The following NMT1 variants were observed in gnomAD, a reference collection of about 807,000 sequenced individuals.
NMT1 encodes the protein N-myristoyltransferase 1.
Under a neutral mutation model 63.4 loss-of-function variants are expected in NMT1, and 12 were observed. The observed-to-expected ratio is 0.19, with a 90% CI of 0.12 to 0.31. The LOEUF is 0.31. NMT1 is among the 10% of genes least tolerant of loss of function. NMT1 has a pLI of 1.00. For missense variants in NMT1, 432 were observed against 634.6 expected (o/e 0.68, Z 3.43); for synonymous variants, 228 against 234.3 (o/e 0.97, Z 0.25).
chr17:45,075,668 G>T (rs2053972925), intron 1 of NMT1, among the ~76,000 whole-genome samples: 1 of 152,008 alleles, frequency 6.6e-6, no homozygotes. Context: ...CTACTCAGGA[G>T]GCTGAGGCAG....
Position 45,087,899 on chromosome 17 carries a change from C to A in NMT1, c.385+1247C>A, listed in dbSNP as rs544865112. On this transcript the variant is annotated intron_variant, in intron 3 of 11. Coordinates refer to ENST00000258960, the MANE Select transcript of NMT1 (RefSeq NM_021079.5). The stretch of plus-strand genomic sequence containing the variant: ...GGTTGGGAGCAGCTAATCCATGAGG[C>A]CTGCAGACCTGCAGGATGGGCATTG... 2.0e-5 allele frequency among the ~76,000 whole-genome samples: 3 copies of A among 152,134 alleles called. No individual in the cohort carries two copies. In the South Asian group the frequency reaches 6.2e-4, roughly 32 times the overall value.
intron 1 of NMT1, among the ~76,000 whole-genome samples, chr17:45,081,202 A>G (rs929098571): frequency 6.6e-6 from 1 of 152,142 alleles, no homozygotes; most frequent in Non-Finnish European, 1.5e-5. Context: ...CATGAAACCT[A>G]ATACATTTGG....
intron 3 of NMT1, 37 bp from the exon 4 acceptor site, chr17:45,093,648 G>C (rs749345028): frequency 3.2e-6 from 5 of 1,586,808 alleles, no homozygotes; most frequent in South Asian, 1.1e-5. Context: ...CCCCGAGGGG[G>C]CAAAGGGTGA....
rs572477031 is a variant in NMT1 at position 45,074,743 on chromosome 17, C to A, written c.132-6901C>A. On this transcript the variant is annotated intron_variant, in intron 1 of 11. Transcript: ENST00000258960. ...GAATTCTCTACTCTTTATTTTGGAA[C>A]CAAGTGAAACAAGTTGGACTTTGGT... Among the ~76,000 whole-genome samples, 11 of 152,280 alleles carry A rather than the reference C, an allele frequency of 7.2e-5. No individual in the cohort carries two copies. In the South Asian group the frequency reaches 2.3e-3, roughly 32 times the overall value.
intron 1 of NMT1, among the ~76,000 whole-genome samples, chr17:45,080,217 G>A (rs1419176778): frequency 4.0e-5 from 6 of 150,532 alleles, no homozygotes; most frequent in African/African-American, 9.8e-5. Flanking sequence ...CTGGAGTGCC[G>A]TGGCGCGATC....
intron 1 of NMT1, among the ~76,000 whole-genome samples, chr17:45,063,418 AGAGAT>A (rs1209977242): frequency 6.6e-6 from 1 of 152,136 alleles, no homozygotes; most frequent in Non-Finnish European, 1.5e-5. Flanking sequence ...TCTCCTGAGT[AGAGAT>A]CTGAATCACA....
intron 8 of NMT1, among the ~76,000 whole-genome samples, chr17:45,100,894 AAAG>A (rs1378388538): frequency 1.5e-4 from 18 of 118,178 alleles, no homozygotes; most frequent in Non-Finnish European, 2.6e-4. Context: ...AAAAAAAAAA[AAAG>A]AAGGCCAGGC....
rs1415905438 is a variant in NMT1 at position 45,107,801 on chromosome 17, G to T, written c.*2162G>T. Reference sequence around the variant, plus strand: ...CAGGTCATGGAATGGAAACGGTGAGGCCCCAGTGGCTGTTCTGGAAGAAAC... The same window carrying T: ...CAGGTCATGGAATGGAAACGGTGAGTCCCCAGTGGCTGTTCTGGAAGAAAC... On this transcript the variant is annotated 3_prime_UTR_variant, in exon 12 of 12. Transcript: ENST00000258960. 1 of 152,294 alleles carries T rather than the reference G, an allele frequency of 6.6e-6. No homozygotes were observed. Among genetic ancestry groups the T allele is most frequent in the Non-Finnish European group, 1.5e-5 (1 of 68,120 alleles). 9.4% of individuals were successfully genotyped at this position (152,294 alleles called of 1,614,324 possible).
intron 2 of NMT1, among the ~76,000 whole-genome samples, chr17:45,084,274 A>G (rs2054036584): frequency 1.3e-5 from 2 of 152,210 alleles, no homozygotes; most frequent in Admixed American, 6.5e-5. Flanking sequence ...TCATAATGGA[A>G]GAAATGACCA....
chr17:45,099,755 G>A (rs2054149192), intron 8 of NMT1: 2 of 523,398 alleles, frequency 3.8e-6, no homozygotes, highest in Non-Finnish European at 6.9e-6. Context: ...GCCATCTGTT[G>A]AAAGGCTCAG....
chr17:45,094,366 C>T (rs12937487), intron 4 of NMT1, among the ~76,000 whole-genome samples: 23,922 of 150,952 alleles, frequency 0.16, 2,574 homozygotes, highest in African/African-American at 0.29. Flanking sequence ...TGGTGGTGTA[C>T]GCCTGTATCC....
chr17:45,065,722 T>C (rs553822740), intron 1 of NMT1, among the ~76,000 whole-genome samples: 1 of 152,202 alleles, frequency 6.6e-6, no homozygotes, highest in South Asian at 2.1e-4. Flanking sequence ...TGTGTTTTGC[T>C]TCTTGAAATG....
rs754396552 is a variant in NMT1, at chr17:45,103,949, C to T, written c.1332+73C>T. The T allele has an allele frequency of 2.0e-5, 32 of 1,603,332 alleles. No individual in the cohort carries two copies. In the East Asian group the frequency reaches 2.9e-4, roughly 15 times the overall value. Reference sequence around the variant, plus strand: ...GTGGAGCCATGGTGAGCACAGCTCCCGGGACGCAGCCTCCCATGGGCTGGA... The same window carrying T: ...GTGGAGCCATGGTGAGCACAGCTCCTGGGACGCAGCCTCCCATGGGCTGGA... On this transcript the variant is annotated intron_variant, in intron 10 of 11. Coordinates refer to ENST00000258960, the MANE Select transcript of NMT1 (RefSeq NM_021079.5). This position sits in a 1 kb window ranked among gnomAD's most constrained non-coding sequence, Gnocchi z 4.8.
intron 1 of NMT1, among the ~76,000 whole-genome samples, chr17:45,076,800 T>C (rs1269791181): frequency 6.6e-6 from 1 of 151,962 alleles, no homozygotes; most frequent in Non-Finnish European, 1.5e-5. Flanking sequence ...TCTTCAGCCG[T>C]GTGCTTGATG....
At chr17:45,077,542 C>T (rs2053985901) in intron 1 of NMT1, among the ~76,000 whole-genome samples, 1 of 152,188 alleles carries the variant, frequency 6.6e-6, no homozygotes, top group Admixed American at 6.6e-5. Flanking sequence ...AGGCATGTGC[C>T]ACCACGCCCG....
At chr17:45,084,534 T>C (rs896462220) in intron 2 of NMT1, among the ~76,000 whole-genome samples, 1 of 151,870 alleles carries the variant, frequency 6.6e-6, no homozygotes, top group Admixed American at 6.6e-5. Flanking sequence ...GGGGTTTCAC[T>C]GTGTTAGCCA....
intron 1 of NMT1, among the ~76,000 whole-genome samples, chr17:45,078,800 C>CT (rs1218389683): frequency 6.6e-6 from 1 of 151,824 alleles, no homozygotes; most frequent in East Asian, 1.9e-4. Flanking sequence ...GTAGTTGGGA[C>CT]TACAAGTGTG....
intron 1 of NMT1, among the ~76,000 whole-genome samples, chr17:45,066,381 T>G (rs1295751775): frequency 6.6e-6 from 1 of 152,132 alleles, no homozygotes; most frequent in Non-Finnish European, 1.5e-5. Context: ...TATGTCTCTT[T>G]GTATATGAAT....
At position 45,061,404 on chromosome 17, in the gene NMT1, C is replaced by G; in HGVS notation, c.75C>G (p.Asn25Lys). The G allele has an allele frequency of 6.2e-7, 1 of 1,614,022 alleles. No homozygotes were observed. Among genetic ancestry groups the G allele is most frequent in the Non-Finnish European group, 8.5e-7 (1 of 1,179,968 alleles). Reference sequence around the variant, plus strand: ...CGCAGATGATGGAAGGGAACGGGAACGGCCATGAGCACTGCAGCGATTGCG... The same window carrying G: ...CGCAGATGATGGAAGGGAACGGGAAGGGCCATGAGCACTGCAGCGATTGCG... The part of the protein sequence containing the change: ...PLPQMMEGNG[N>K]GHEHCSDCEN... The change falls in exon 1 of 12, where the codon AAC becomes AAG. Residue 25 changes from asparagine to lysine, a missense_variant. Physicochemically the swap from Asn to Lys is moderately conservative, Grantham distance 94. Coordinates refer to ENST00000258960, the MANE Select transcript of NMT1 (RefSeq NM_021079.5).
Sources: gnomAD v4.1 joint callset for allele counts (sites outside exome capture counted in the v4.1 genomes callset) on GRCh38, gnomAD v4.1.1 for gene constraint, Gnocchi (gnomAD v3.1) non-coding constraint, MANE v1.5 for transcripts, NCBI Gene and HGNC (gene_info 2026-07-23, HGNC 2026-07-21) for gene names.